Variants in PTPRD observed in about 807,000 individuals in gnomAD.
PTPRD encodes protein tyrosine phosphatase receptor type D.
Under a neutral mutation model 214.5 loss-of-function variants are expected in PTPRD, and 34 were observed. That is an observed-to-expected ratio of 0.16 (90% CI 0.12 to 0.21). PTPRD has a LOEUF of 0.21. Ranked by LOEUF, PTPRD falls within the 10% of genes least tolerant of loss-of-function variation. The pLI, the probability that PTPRD is intolerant of heterozygous loss-of-function variation, is 1.00. For missense variants in PTPRD, 2,545 were observed against 2,398.7 expected (o/e 1.06, Z -1.27); for synonymous variants, 1,128 against 845.7 (o/e 1.33, Z -5.79).
At chr9:8,850,190 C>A (rs191562291) in intron 11 of PTPRD, among the ~76,000 whole-genome samples, 16 of 152,000 alleles carry the variant, frequency 1.1e-4, no homozygotes, top group Non-Finnish European at 2.1e-4. Flanking sequence ...ATTTCCCAGT[C>A]ATGTAACAAG....
intron 12 of PTPRD, among the ~76,000 whole-genome samples, chr9:8,733,501 A>G (rs971542108): frequency 6.6e-6 from 1 of 152,146 alleles, no homozygotes; most frequent in East Asian, 1.9e-4. Flanking sequence ...TGGTCTCATA[A>G]TATCTTTGCT....
chr9:10,376,969 C>T (rs1319107358), intron 2 of PTPRD, among the ~76,000 whole-genome samples: 1 of 151,942 alleles, frequency 6.6e-6, no homozygotes, highest in African/African-American at 2.4e-5. Flanking sequence ...TATAGTCACC[C>T]TGTAGTGCTA....
intron 10 of PTPRD, among the ~76,000 whole-genome samples, chr9:9,022,982 T>C (rs1277746371): frequency 1.3e-5 from 2 of 152,112 alleles, no homozygotes; most frequent in East Asian, 1.9e-4. Flanking sequence ...GAATAAACCA[T>C]GGTAGATTTG....
intron 3 of PTPRD, among the ~76,000 whole-genome samples, chr9:10,189,935 G>C (rs2099354983): frequency 6.6e-6 from 1 of 152,136 alleles, no homozygotes; most frequent in African/African-American, 2.4e-5. Context: ...GGAAGAGAAA[G>C]CAAGAGGATG....
intron 10 of PTPRD, among the ~76,000 whole-genome samples, chr9:9,123,809 T>C (rs552186885): frequency 6.6e-6 from 1 of 152,256 alleles, no homozygotes; most frequent in African/African-American, 2.4e-5. Context: ...ATTTAGAATA[T>C]CAAAAATTAT....
intron 17 of PTPRD, among the ~76,000 whole-genome samples, chr9:8,525,736 A>G (rs546033775): frequency 5.8e-4 from 89 of 152,288 alleles, no homozygotes; most frequent in African/African-American, 2.1e-3. Flanking sequence ...GAGCCAACCA[A>G]CCACTGCTTG....
intron 10 of PTPRD, among the ~76,000 whole-genome samples, chr9:9,040,347 A>T (rs546512338): frequency 1.3e-5 from 2 of 152,294 alleles, no homozygotes; most frequent in South Asian, 4.1e-4. Context: ...AGAAAGCAAC[A>T]CCATATGCCT....
intron 3 of PTPRD, among the ~76,000 whole-genome samples, chr9:10,120,951 A>G (rs1349633335): frequency 1.3e-5 from 2 of 152,178 alleles, no homozygotes; most frequent in Non-Finnish European, 2.9e-5. Context: ...GAGGGGCTCA[A>G]AATACATTAC....
chr9:9,577,938 T>TG (rs1315103354), intron 7 of PTPRD, among the ~76,000 whole-genome samples: 3 of 144,420 alleles, frequency 2.1e-5, no homozygotes, highest in African/African-American at 7.7e-5. Context: ...CCCAGGTACT[T>TG]GGGAGACTGA....
At chr9:9,915,959 G>C (rs537104091) in intron 5 of PTPRD, among the ~76,000 whole-genome samples, 1 of 151,638 alleles carries the variant, frequency 6.6e-6, no homozygotes, top group Non-Finnish European at 1.5e-5. Context: ...AATTCTAAAA[G>C]CTGGAAAAGA....
intron 7 of PTPRD, among the ~76,000 whole-genome samples, chr9:9,627,629 T>C (rs369154863): frequency 1.3e-5 from 2 of 152,226 alleles, no homozygotes; most frequent in East Asian, 1.9e-4. Flanking sequence ...GCACAATTGT[T>C]GAATAGCTGA....
chr9:8,737,278 G>C (rs912427853), intron 11 of PTPRD, among the ~76,000 whole-genome samples: 9 of 152,182 alleles, frequency 5.9e-5, no homozygotes, highest in African/African-American at 2.2e-4. Flanking sequence ...AAGGAGGTCA[G>C]AGGTGTGAAG....
chr9:9,491,860 C>T (rs550059863), intron 8 of PTPRD, among the ~76,000 whole-genome samples: 51 of 151,970 alleles, frequency 3.4e-4, no homozygotes, highest in African/African-American at 1.2e-3. Context: ...GAACAAGCTA[C>T]ACCCAAAGCT....
chr9:9,962,091 G>C (rs1466526812), intron 4 of PTPRD, among the ~76,000 whole-genome samples: 3 of 152,058 alleles, frequency 2.0e-5, no homozygotes, highest in Non-Finnish European at 4.4e-5. Context: ...AGAACATCCT[G>C]GGTCTTGCTT....
At position 10,250,605 on chromosome 9, in the gene PTPRD, T is replaced by C. The variant is rs62539730; in HGVS notation, c.-545+90358A>G. ...CCTTTGATCAATCAACAAACACTTA[T>C]TGAACACAAAATATTTTAGTTACAC... is the stretch of plus-strand genomic sequence containing the variant. On this transcript the variant is annotated intron_variant, in intron 3 of 45. Transcript: ENST00000381196. 1.8e-3 allele frequency among the ~76,000 whole-genome samples: 270 copies of C among 152,110 alleles called. 1 individual carries two copies. The highest frequency in any genetic ancestry group is 2.4e-3 in the Non-Finnish European group (164 of 67,932).
intron 9 of PTPRD, among the ~76,000 whole-genome samples, chr9:9,338,513 T>C (rs2045502503): frequency 1.3e-5 from 2 of 152,194 alleles, no homozygotes; most frequent in South Asian, 2.1e-4. Flanking sequence ...TTATATTTTA[T>C]AAGATATTCT....
rs545482197 is a variant in PTPRD, at chr9:9,697,465, G to A, written c.-287+37068C>T. Among the ~76,000 whole-genome samples, 3 of 151,754 alleles carry A rather than the reference G, an allele frequency of 2.0e-5. No homozygotes were observed. In the South Asian group the frequency reaches 6.2e-4, roughly 32 times the overall value. On this transcript the variant is annotated intron_variant, in intron 7 of 45. Transcript: ENST00000381196. ...TGTTGGGTACATAATTTTTGTTTCA[G>A]AGTTTTCATTTTTTTAAATTTCAAC...
intron 8 of PTPRD, among the ~76,000 whole-genome samples, chr9:9,563,769 G>A (rs189653166): frequency 6.6e-6 from 1 of 152,190 alleles, no homozygotes; most frequent in Non-Finnish European, 1.5e-5. Context: ...TAATACATTG[G>A]TATGCCCAAG....
At chr9:8,623,619 A>T (rs1399758224) in intron 14 of PTPRD, among the ~76,000 whole-genome samples, 4 of 151,916 alleles carry the variant, frequency 2.6e-5, no homozygotes, top group Non-Finnish European at 1.5e-5. Context: ...TCACAACAAC[A>T]ACTCACATTT....
Sources: allele counts gnomAD v4.1 joint callset (sites outside exome capture counted in the v4.1 genomes callset), GRCh38; gene constraint gnomAD v4.1.1; transcripts MANE v1.5; gene names NCBI Gene and HGNC (gene_info 2026-07-23, HGNC 2026-07-21).